GNG7: variants seen among roughly 807,000 people sequenced by gnomAD.
The protein encoded by GNG7 is G protein subunit gamma 7.
In GNG7, 1 loss-of-function variant was observed where a neutral mutation model predicts 4.0. The observed-to-expected ratio is 0.25, with a 90% CI of 0.09 to 1.18. The LOEUF is 1.18. Ranked by LOEUF, GNG7 falls within the 50% of genes most tolerant of loss-of-function variation. The pLI is 0.50. For missense variants in GNG7, 86 were observed against 91.9 expected (o/e 0.94, Z 0.26); for synonymous variants, 34 against 36.9 (o/e 0.92, Z 0.29).
chr19:2,636,679 G>A (rs548704611), intron 2 of GNG7, among the ~76,000 whole-genome samples: 2 of 152,246 alleles, frequency 1.3e-5, no homozygotes, highest in Non-Finnish European at 2.9e-5. Flanking sequence ...CTCTGGTTTT[G>A]GGCAGAGAGG....
At chr19:2,600,742 C>G (rs1981174595) in intron 2 of GNG7, among the ~76,000 whole-genome samples, 1 of 151,904 alleles carries the variant, frequency 6.6e-6, no homozygotes, top group Admixed American at 6.6e-5. Context: ...TCTCAAAGCG[C>G]TGGGATTACA....
At chr19:2,645,138 A>G (rs1982629341) in intron 2 of GNG7, among the ~76,000 whole-genome samples, 1 of 152,212 alleles carries the variant, frequency 6.6e-6, no homozygotes, top group African/African-American at 2.4e-5. Context: ...AAGTCAAAGC[A>G]GGAAGATCAC....
At chr19:2,602,972 TTC>T (rs928614256) in intron 2 of GNG7, among the ~76,000 whole-genome samples, 15 of 148,044 alleles carry the variant, frequency 1.0e-4, no homozygotes, top group Middle Eastern at 3.4e-3. Context: ...CTTTCTTTCT[TTC>T]TCTCTCTCTT....
intron 2 of GNG7, among the ~76,000 whole-genome samples, chr19:2,588,889 C>T (rs1980756850): frequency 1.3e-5 from 2 of 152,190 alleles, no homozygotes; most frequent in African/African-American, 2.4e-5. Context: ...GGTGTGACAT[C>T]AGCCGTCCCT....
At chr19:2,670,248 C>A (rs1057025274) in intron 1 of GNG7, among the ~76,000 whole-genome samples, 1 of 152,100 alleles carries the variant, frequency 6.6e-6, no homozygotes, top group East Asian at 1.9e-4. Context: ...CCACGGAGAC[C>A]CACCCTCCCC....
At chr19:2,568,713 C>G (rs897302497) in intron 2 of GNG7, among the ~76,000 whole-genome samples, 13 of 139,752 alleles carry the variant, frequency 9.3e-5, no homozygotes, top group Admixed American at 9.2e-4. Flanking sequence ...TATAGACACA[C>G]ATATACACAT....
At chr19:2,562,539 C>T (rs1979775881) in intron 2 of GNG7, among the ~76,000 whole-genome samples, 1 of 152,120 alleles carries the variant, frequency 6.6e-6, no homozygotes, top group African/African-American at 2.4e-5. Flanking sequence ...AGGGTTTTTC[C>T]CCCCGGGCAC....
chr19:2,581,329 G>GT (rs1365457514), intron 2 of GNG7, among the ~76,000 whole-genome samples: 1 of 143,106 alleles, frequency 7.0e-6, no homozygotes, highest in Non-Finnish European at 1.5e-5. Context: ...GGTGATGGGG[G>GT]TGGGGGGGTG....
In GNG7 at chr19:2,568,654, CAT is replaced by C. The variant is rs1491446629; in HGVS notation, c.-77-13468_-77-13467del. Among the ~76,000 whole-genome samples, 985 of 123,062 alleles carry C rather than the reference CAT, an allele frequency of 8.0e-3. 4 individuals are homozygous for C. The highest frequency in any genetic ancestry group is 0.021 in the Middle Eastern group (5 of 236). The allele number at this position is 123,062 out of a possible 152,430, so 80.7% of individuals were successfully genotyped here. A position where few individuals can be genotyped will look rare whatever the true frequency, so the allele number is the denominator to read the frequency against. On this transcript the variant is annotated intron_variant, in intron 2 of 4. Transcript: ENST00000382159. ...ATATATACACATATACACAAATACA[CAT>C]ATACACATACACATACACATATATA...
intron 3 of GNG7, among the ~76,000 whole-genome samples, chr19:2,552,664 C>T (rs1568240552): frequency 6.6e-6 from 1 of 151,066 alleles, no homozygotes; most frequent in Non-Finnish European, 1.5e-5. Context: ...GGGTTATAGG[C>T]GTGAGCCACC....
At chr19:2,655,054 G>C (rs1193109599) in intron 1 of GNG7, among the ~76,000 whole-genome samples, 2 of 152,068 alleles carry the variant, frequency 1.3e-5, no homozygotes, top group African/African-American at 4.8e-5. Context: ...GCCAGGTGTG[G>C]TGGTCTGCAC....
chr19:2,643,379 C>G (rs1568272206), intron 2 of GNG7: 2 of 415,998 alleles, frequency 4.8e-6, no homozygotes, highest in Admixed American at 2.9e-5. Context: ...TGAGCCTCTC[C>G]GGGCTCTGCA....
At chr19:2,550,109 T>C (rs758473) in intron 3 of GNG7, among the ~76,000 whole-genome samples, 95,405 of 151,912 alleles carry the variant, frequency 0.63, 30,042 homozygotes, top group East Asian at 0.79. Context: ...AGAATCCCTG[T>C]GGGATGGGGA....
chr19:2,575,155 G>A (rs947498243), intron 2 of GNG7, among the ~76,000 whole-genome samples: 1 of 148,710 alleles, frequency 6.7e-6, no homozygotes, highest in African/African-American at 2.5e-5. Flanking sequence ...CACCGTCATA[G>A]CTTACTGCAG....
chr19:2,517,279 G>T (rs1169468045), intron 4 of GNG7, among the ~76,000 whole-genome samples: 1 of 152,128 alleles, frequency 6.6e-6, no homozygotes, highest in Non-Finnish European at 1.5e-5. Context: ...CTGGGCTCAA[G>T]TGATTCTCCC....
At chr19:2,674,524 C>T (rs1391972944) in intron 1 of GNG7, among the ~76,000 whole-genome samples, 2 of 152,130 alleles carry the variant, frequency 1.3e-5, no homozygotes, top group Non-Finnish European at 1.5e-5. Flanking sequence ...CAACCTCCAC[C>T]TCCTGGGCTC....
chr19:2,554,469 G>A (rs1007845115), intron 3 of GNG7, among the ~76,000 whole-genome samples: 3 of 149,468 alleles, frequency 2.0e-5, no homozygotes, highest in African/African-American at 7.3e-5. Flanking sequence ...TCAGCCTCCT[G>A]AGTAGCTGGG....
intron 2 of GNG7, among the ~76,000 whole-genome samples, chr19:2,625,241 A>T (rs7245853): frequency 0.17 from 25,935 of 152,016 alleles, 4,781 homozygotes; most frequent in African/African-American, 0.47. Context: ...GCTAATTTTT[A>T]AAAATTTTTT....
chr19:2,597,300 A>G (rs142587539), intron 2 of GNG7, among the ~76,000 whole-genome samples: 63 of 152,222 alleles, frequency 4.1e-4, no homozygotes, highest in Non-Finnish European at 8.5e-4. Flanking sequence ...TCCATTATAT[A>G]ATAATGCTAC....
Sources: allele counts gnomAD v4.1 joint callset (sites outside exome capture counted in the v4.1 genomes callset), GRCh38; gene constraint gnomAD v4.1.1; transcripts MANE v1.5; gene names NCBI Gene and HGNC (gene_info 2026-07-23, HGNC 2026-07-21).